The following MKLN1 variants were observed in gnomAD, a reference collection of about 807,000 sequenced individuals.
MKLN1 encodes the protein muskelin 1.
MKLN1 carries 18 observed loss-of-function variants against 99.0 expected under a neutral mutation model. The ratio of observed to expected loss-of-function variants is 0.18; its 90% CI spans 0.13 to 0.27. The LOEUF is 0.27. MKLN1 is among the 10% of genes least tolerant of loss of function. MKLN1 has a pLI of 1.00. For synonymous variants in MKLN1, 288 were observed against 293.2 expected (o/e 0.98, Z 0.18); for missense variants, 621 against 875.9 (o/e 0.71, Z 3.67).
upstream of MKLN1, chr7:131,324,155 G>A (rs753295108): frequency 5.3e-5 from 8 of 152,220 alleles, no homozygotes; most frequent in Non-Finnish European, 1.2e-4. Context: ...GCAGTTCCCT[G>A]CAGAGCTCTA....
chr7:131,355,270 A>T (rs962019045), intron 1 of MKLN1, among the ~76,000 whole-genome samples: 3 of 151,924 alleles, frequency 2.0e-5, no homozygotes, highest in Non-Finnish European at 2.9e-5. Context: ...TTAATGTGAA[A>T]TTTATTATTT....
intron 1 of MKLN1, among the ~76,000 whole-genome samples, chr7:131,331,354 A>G (rs986325832): frequency 1.2e-4 from 19 of 152,186 alleles, no homozygotes; most frequent in African/African-American, 4.6e-4. Context: ...CAGGCACTGT[A>G]CTGAGCATTT....
chr7:131,457,113 A>T (rs1796367024), intron 12 of MKLN1, among the ~76,000 whole-genome samples: 1 of 152,038 alleles, frequency 6.6e-6, no homozygotes, highest in Non-Finnish European at 1.5e-5. Context: ...CCCCGTCTCC[A>T]CTAAAAATAC....
Position 131,387,245 on chromosome 7 carries a change from G to T in MKLN1, c.294G>T (p.Met98Ile). ...TTGGTGGAATGAATGAAGAAAATAT[G>T]ACAGAGCTGTTGTCCAGGTGAGTTA... is the stretch of plus-strand genomic sequence containing the variant. ...KVFGGMNEEN[M>I]TELLSSGLKN... Residue 98 changes from methionine (M) to isoleucine (I), a missense_variant, in exon 3 of 18, where the codon ATG (methionine) becomes ATT (isoleucine). Around this residue, in one of 8 missense-constraint regions of MKLN1, gnomAD observed 361 missense variants for 540.8 expected, o/e 0.67. Transcript: ENST00000352689. 2 of 1,610,704 alleles carry T rather than the reference G, an allele frequency of 1.2e-6. No homozygotes were observed. Among genetic ancestry groups the T allele is most frequent in the South Asian group, 2.2e-5 (2 of 90,424 alleles).
chr7:131,190,493 T>C (rs1254958615), intron 2 of MKLN1, among the ~76,000 whole-genome samples: 1 of 152,064 alleles, frequency 6.6e-6, no homozygotes, highest in Non-Finnish European at 1.5e-5. Flanking sequence ...GCCCAGTAGC[T>C]GGGAAATTTC....
chr7:131,468,611 T>C (rs1796724045), intron 15 of MKLN1, among the ~76,000 whole-genome samples: 1 of 152,222 alleles, frequency 6.6e-6, no homozygotes, highest in Non-Finnish European at 1.5e-5. Context: ...ACTATTATTT[T>C]TTCATACGAC....
intron 3 of MKLN1, among the ~76,000 whole-genome samples, chr7:131,297,403 C>T (rs1798307868): frequency 8.2e-6 from 1 of 121,898 alleles, no homozygotes; most frequent in Non-Finnish European, 1.7e-5. Flanking sequence ...TATATATATA[C>T]ACAAATACTC....
chr7:131,125,691 T>C (rs576132706), intron 1 of MKLN1, among the ~76,000 whole-genome samples: 1 of 152,148 alleles, frequency 6.6e-6, no homozygotes, highest in Admixed American at 6.5e-5. Context: ...GGCAACAAAG[T>C]GAGACTTCTG....
chr7:131,113,625 C>A (rs1192308421), intron 1 of MKLN1, among the ~76,000 whole-genome samples: 1 of 145,000 alleles, frequency 6.9e-6, no homozygotes, highest in Non-Finnish European at 1.5e-5. Context: ...AGTTTGAGAC[C>A]AGCCTGGGCA....
chr7:131,397,421 G>T (rs1794392912), intron 5 of MKLN1, 45 bp downstream of exon 5: 1 of 937,014 alleles, frequency 1.1e-6, no homozygotes, highest in Admixed American at 2.4e-5. Context: ...TATAAAAGGA[G>T]AAATATGTCA....
Position 131,212,615 on chromosome 7 carries a change from A to G in MKLN1, c.-179+9641A>G, listed in dbSNP as rs572786105. ...GAAAACTATGAAAAATAGTTTAACAAACATCTATGTGTAAAACAGCTACCT... is the reference window on the plus strand; with the variant it reads ...GAAAACTATGAAAAATAGTTTAACAGACATCTATGTGTAAAACAGCTACCT... On this transcript the variant is annotated intron_variant, in intron 3 of 7. Transcript: ENST00000416992. Among the ~76,000 whole-genome samples the G allele has an allele frequency of 2.0e-5, 3 of 152,366 alleles. No individual in the cohort carries two copies. In the South Asian group the frequency reaches 6.2e-4, roughly 32 times the overall value.
In MKLN1 at chr7:131,487,534, C is replaced by A; in HGVS notation, c.2087-73C>A. 2 of 1,499,888 alleles carry A rather than the reference C, an allele frequency of 1.3e-6. No homozygotes were observed. The highest frequency in any genetic ancestry group is 1.3e-5 in the South Asian group (1 of 79,898). The allele number at this position is 1,499,888 out of a possible 1,614,324, so 92.9% of individuals were successfully genotyped here. ...GATTTCTCCATTATAAAATACATTG[C>A]TGCTGGTCTCAACTAGTTTTTCTGT... On this transcript the variant is annotated intron_variant, in intron 17 of 17. Transcript: ENST00000352689. This position sits in a 1 kb window ranked among gnomAD's most constrained non-coding sequence, Gnocchi z 4.7.
At chr7:131,385,272 T>C (rs955789126) in intron 2 of MKLN1, among the ~76,000 whole-genome samples, 1 of 152,194 alleles carries the variant, frequency 6.6e-6, no homozygotes, top group African/African-American at 2.4e-5. Flanking sequence ...GACATTTGGG[T>C]TGTTTCCACC....
chr7:131,309,933 T>G (rs2087158), intron 3 of MKLN1: 24,082 of 151,740 alleles, frequency 0.16, 2,090 homozygotes, highest in African/African-American at 0.24. Context: ...CACTGTGTTA[T>G]CCAGGATGGT....
intron 1 of MKLN1, among the ~76,000 whole-genome samples, chr7:131,137,047 C>G (rs1449398490): frequency 1.3e-5 from 2 of 152,252 alleles, no homozygotes; most frequent in East Asian, 3.9e-4. Flanking sequence ...GCTACGGGGT[C>G]TCCCTGTGTT....
intron 2 of MKLN1, among the ~76,000 whole-genome samples, chr7:131,182,348 C>T (rs559653402): frequency 6.6e-6 from 1 of 152,190 alleles, no homozygotes; most frequent in South Asian, 2.1e-4. Context: ...GAAGACAATG[C>T]TTACCACAGC....
rs1345191595 is a variant in MKLN1, at chr7:131,491,356, G to T, written c.*3628G>T. On this transcript the variant is annotated 3_prime_UTR_variant, in exon 18 of 18. Coordinates refer to ENST00000352689, the MANE Select transcript of MKLN1 (RefSeq NM_013255.5). ...CTAAGGTAGCCCCGATCTAGGATGT[G>T]AAGGCTGCCCAGAAAAAGTTTATGG... 6.6e-6 allele frequency: 1 copy of T among 152,070 alleles called. No homozygotes were observed. Among genetic ancestry groups the T allele is most frequent in the Non-Finnish European group, 1.5e-5 (1 of 68,020 alleles). The allele number at this position is 152,070 out of a possible 1,614,324, so 9.4% of individuals were successfully genotyped here.
In MKLN1 at chr7:131,240,477, C is replaced by T. The variant is rs6971020; in HGVS notation, c.-179+37503C>T. 2.0e-3 allele frequency among the ~76,000 whole-genome samples: 302 copies of T among 151,040 alleles called. 1 individual carries two copies. The highest frequency in any genetic ancestry group is 7.2e-3 in the African/African-American group (293 of 40,764). On this transcript the variant is annotated intron_variant, in intron 3 of 7. Coordinates refer to the MKLN1 transcript ENST00000416992. ...TGCAAACGTTTAAAAATTTTTTCTC[C>T]TCAAAATGAAGAGAGATAAATGAAA...
chr7:131,482,247 T>G (rs1797144704), intron 17 of MKLN1, among the ~76,000 whole-genome samples: 1 of 152,198 alleles, frequency 6.6e-6, no homozygotes, highest in Non-Finnish European at 1.5e-5. Context: ...TAGGCTGGAG[T>G]GCAGTGGTGC....
Sources: gnomAD v4.1 joint callset for allele counts (sites outside exome capture counted in the v4.1 genomes callset) on GRCh38, gnomAD v4.1.1 for gene constraint, gnomAD v4.1.1 regional missense constraint, Gnocchi (gnomAD v3.1) non-coding constraint, MANE v1.5 for transcripts, NCBI Gene and HGNC (gene_info 2026-07-23, HGNC 2026-07-21) for gene names.